PKNOX2: variants seen among roughly 807,000 people sequenced by gnomAD.
PKNOX2 encodes the protein homeobox protein PKNOX2.
A neutral mutation model predicts 53.1 loss-of-function variants in PKNOX2; 14 were observed. That is an observed-to-expected ratio of 0.26 (90% CI 0.17 to 0.41). The LOEUF is 0.41. Ranked by LOEUF, PKNOX2 falls within the 10% of genes least tolerant of loss-of-function variation. PKNOX2 has a pLI of 1.00. For missense variants in PKNOX2, 496 were observed against 602.8 expected (o/e 0.82, Z 1.85); for synonymous variants, 257 against 242.8 (o/e 1.06, Z -0.54).
intron 2 of PKNOX2, among the ~76,000 whole-genome samples, chr11:125,327,148 T>C (rs904112929): frequency 9.9e-5 from 15 of 152,186 alleles, no homozygotes; most frequent in East Asian, 3.9e-4. Flanking sequence ...AGTCTTTAGT[T>C]TGGGTCTCTG....
chr11:125,221,518 C>T (rs537752615), intron 1 of PKNOX2, among the ~76,000 whole-genome samples: 133 of 152,266 alleles, frequency 8.7e-4, no homozygotes, highest in African/African-American at 3.0e-3. Flanking sequence ...ACCGCAGCCA[C>T]GCCGTTTAGT....
At chr11:125,244,954 G>A (rs1377958642) in intron 2 of PKNOX2, among the ~76,000 whole-genome samples, 2 of 152,124 alleles carry the variant, frequency 1.3e-5, no homozygotes, top group Non-Finnish European at 2.9e-5. Context: ...GTCTCATGGG[G>A]GAGACTGGGT....
In PKNOX2 at chr11:125,178,580, AGGAAGGAAGGAAGGAAGGAAG is replaced by A. The variant is rs1341491902; in HGVS notation, c.-201+13806_-201+13826del. ...AAGGAAGGAACGAAGGAAGGAAGGA[AGGAAGGAAGGAAGGAAGGAAG>A]GAAGGAAGGAAAGAAAGAAAGAAAG... On this transcript the variant is annotated intron_variant, in intron 1 of 12. Coordinates refer to ENST00000298282, the MANE Select transcript of PKNOX2 (RefSeq NM_001382323.2). Among the ~76,000 whole-genome samples, 141 of 34,260 alleles carry A rather than the reference AGGAAGGAAGGAAGGAAGGAAG, an allele frequency of 4.1e-3. 9 individuals are homozygous for A. The highest frequency in any genetic ancestry group is 0.025 in the South Asian group (21 of 848). 22.5% of individuals were successfully genotyped at this position (34,260 alleles called of 152,430 possible). A position where few individuals can be genotyped will look rare whatever the true frequency, so the allele number is the denominator to read the frequency against.
intron 1 of PKNOX2, among the ~76,000 whole-genome samples, chr11:125,222,635 A>ATGTGTGTGTGTATGTG (rs1200116353): frequency 7.9e-6 from 1 of 126,764 alleles, no homozygotes; most frequent in African/African-American, 3.2e-5. Flanking sequence ...GTGTGTGTGT[A>ATGTGTGTGTGTATGTG]TGTGTGTGCG....
intron 5 of PKNOX2, among the ~76,000 whole-genome samples, chr11:125,378,974 GTT>G (rs956501849): frequency 9.4e-6 from 1 of 106,342 alleles, no homozygotes; most frequent in Admixed American, 8.9e-5. Flanking sequence ...AGAAATGTTT[GTT>G]TTTTTTTTTT....
At chr11:125,326,291 G>A (rs1341027562) in intron 2 of PKNOX2, among the ~76,000 whole-genome samples, 10 of 152,222 alleles carry the variant, frequency 6.6e-5, no homozygotes, top group Admixed American at 6.5e-4. Flanking sequence ...GGTCTTTGCA[G>A]GTTGGATGGG....
In PKNOX2 at chr11:125,275,551, C is replaced by A. The variant is rs141205109; in HGVS notation, c.-130+40436C>A. Among the ~76,000 whole-genome samples, 142 of 152,100 alleles carry A rather than the reference C, an allele frequency of 9.3e-4. 1 individual carries two copies. Among genetic ancestry groups the A allele is most frequent in the Middle Eastern group, 3.4e-3 (1 of 294 alleles). On this transcript the variant is annotated intron_variant, in intron 2 of 12. Coordinates refer to ENST00000298282, the MANE Select transcript of PKNOX2 (RefSeq NM_001382323.2). Reference sequence around the variant, plus strand: ...AGGGAGTAAAGGGGGCTGGTGGAGGCTTTGTTGGCTTAGTCTTGGCCATGG... The same window carrying A: ...AGGGAGTAAAGGGGGCTGGTGGAGGATTTGTTGGCTTAGTCTTGGCCATGG...
chr11:125,239,664 C>T (rs1347886876), intron 2 of PKNOX2: 6 of 152,230 alleles, frequency 3.9e-5, no homozygotes, highest in Non-Finnish European at 4.4e-5. Context: ...AGGCAATGAG[C>T]GTAAAAACAA....
Position 125,294,695 on chromosome 11 carries a change from C to T in PKNOX2, c.-129-37124C>T, listed in dbSNP as rs111246494. Among the ~76,000 whole-genome samples, 391 of 152,346 alleles carry T rather than the reference C, an allele frequency of 2.6e-3. 6 individuals carry two copies. Among genetic ancestry groups the T allele is most frequent in the African/African-American group, 6.8e-3 (283 of 41,582 alleles). On this transcript the variant is annotated intron_variant, in intron 2 of 12. Coordinates refer to ENST00000298282, the MANE Select transcript of PKNOX2 (RefSeq NM_001382323.2). ...GGGCATCAGCCCCCAGTCTGCTCCT[C>T]ACTAGCTCCATGACTTCCAGTAGTC...
intron 2 of PKNOX2, among the ~76,000 whole-genome samples, chr11:125,311,827 G>A (rs1391596606): frequency 6.6e-6 from 1 of 152,036 alleles, no homozygotes; most frequent in Non-Finnish European, 1.5e-5. Flanking sequence ...CTTCCTCTGT[G>A]ATCCTTAAAA....
At chr11:125,280,897 C>G (rs958404392) in intron 2 of PKNOX2, among the ~76,000 whole-genome samples, 1 of 152,150 alleles carries the variant, frequency 6.6e-6, no homozygotes, top group Non-Finnish European at 1.5e-5. Flanking sequence ...CCACTCACCC[C>G]CTAGTTCTGC....
At chr11:125,405,785 C>T (rs535454808) in intron 7 of PKNOX2, among the ~76,000 whole-genome samples, 17 of 152,320 alleles carry the variant, frequency 1.1e-4, no homozygotes, top group African/African-American at 4.1e-4. Flanking sequence ...ATCAACAGCA[C>T]ACAAGGAACA....
rs1370701801 is a variant in PKNOX2 at position 125,166,591 on chromosome 11, C to A, written c.-201+1815C>A. 1.3e-5 allele frequency among the ~76,000 whole-genome samples: 2 copies of A among 152,082 alleles called. No individual in the cohort carries two copies. The highest frequency in any genetic ancestry group is 3.9e-4 in the East Asian group (2 of 5,136). On this transcript the variant is annotated intron_variant, in intron 1 of 12. Transcript: ENST00000298282. The surrounding 1 kb of genome is among the most constrained non-coding windows in gnomAD (Gnocchi z 4.0). ...GCGCGGCGGGGCGGGAGCGGTGGCC[C>A]GCAGGGGCCGCGGCCTGCGATGAAG...
intron 4 of PKNOX2, among the ~76,000 whole-genome samples, chr11:125,361,353 G>A (rs1000277810): frequency 1.3e-5 from 2 of 152,160 alleles, no homozygotes; most frequent in African/African-American, 4.8e-5. Flanking sequence ...ATCCACTGGA[G>A]GAGACAGACA....
At chr11:125,167,778 C>T (rs555768002) in intron 1 of PKNOX2, among the ~76,000 whole-genome samples, 2 of 152,122 alleles carry the variant, frequency 1.3e-5, no homozygotes, top group Non-Finnish European at 2.9e-5. Flanking sequence ...AAATCCAGTA[C>T]CTCCCCTTTA....
At chr11:125,292,634 C>T (rs900798085) in intron 2 of PKNOX2, among the ~76,000 whole-genome samples, 12 of 152,168 alleles carry the variant, frequency 7.9e-5, no homozygotes, top group East Asian at 3.8e-4. Context: ...ACTGATGGAA[C>T]GGAGCAGGTC....
rs922531832 is a variant in PKNOX2, at chr11:125,422,709, A to T, written c.937-6303A>T. 6.6e-6 allele frequency among the ~76,000 whole-genome samples: 1 copy of T among 152,180 alleles called. No individual in the cohort carries two copies. The highest frequency in any genetic ancestry group is 2.4e-5 in the African/African-American group (1 of 41,434). ...ACCCCAGAGGGCTGCAGCTCTAAGA[A>T]AGTCCACCTGAAAAATGGCTGCAGG... On this transcript the variant is annotated intron_variant, in intron 10 of 12. Transcript: ENST00000298282. The surrounding 1 kb of genome is among the most constrained non-coding windows in gnomAD (Gnocchi z 4.1).
chr11:125,309,342 C>T (rs1948665658), intron 2 of PKNOX2, among the ~76,000 whole-genome samples: 1 of 151,074 alleles, frequency 6.6e-6, no homozygotes, highest in South Asian at 2.1e-4. Flanking sequence ...TTTCAAATTC[C>T]ATCTCCCTCA....
intron 1 of PKNOX2, among the ~76,000 whole-genome samples, chr11:125,197,338 G>C (rs1352001767): frequency 6.6e-6 from 1 of 152,178 alleles, no homozygotes; most frequent in African/African-American, 2.4e-5. Flanking sequence ...AGTGAACCCA[G>C]AGACTGCTGC....
Sources: gnomAD v4.1 joint callset for allele counts (sites outside exome capture counted in the v4.1 genomes callset) on GRCh38, gnomAD v4.1.1 for gene constraint, Gnocchi (gnomAD v3.1) non-coding constraint, MANE v1.5 for transcripts, NCBI Gene and HGNC (gene_info 2026-07-23, HGNC 2026-07-21) for gene names.